Variants in CYP4F12 observed in about 807,000 individuals in gnomAD.
CYP4F12 encodes the protein cytochrome P450 4F12.
CYP4F12 carries 60 observed loss-of-function variants against 56.5 expected under a neutral mutation model. The observed-to-expected ratio is 1.06, with a 90% CI of 0.86 to 1.32. The LOEUF is 1.32. CYP4F12 is among the 40% of genes most tolerant of loss of function. The pLI is 0.00. For missense variants in CYP4F12, 711 were observed against 683.5 expected (o/e 1.04, Z -0.45); for synonymous variants, 263 against 264.9 (o/e 0.99, Z 0.07).
chr19:15,681,094 C>T (rs540777203), intron 5 of CYP4F12: 13 of 166,964 alleles, frequency 7.8e-5, no homozygotes, highest in Non-Finnish European at 1.3e-4. Context: ...AGAGACTGGG[C>T]TCCGAGAAAC....
chr19:15,676,398 C>T (rs2006929629), intron 2 of CYP4F12, among the ~76,000 whole-genome samples: 1 of 63,156 alleles, frequency 1.6e-5, no homozygotes, highest in Non-Finnish European at 3.5e-5. Flanking sequence ...TCTCCTCACT[C>T]ACTCATTCCT....
intron 9 of CYP4F12, among the ~76,000 whole-genome samples, chr19:15,693,304 C>T (rs1057470311): frequency 6.6e-6 from 1 of 152,178 alleles, no homozygotes; most frequent in African/African-American, 2.4e-5. Context: ...TAAATAGCCA[C>T]TGCAAAAGAA....
At chr19:15,676,529 CTGCCCACTCACTCATTCATA>C in intron 2 of CYP4F12, among the ~76,000 whole-genome samples, 1 of 24,066 alleles carries the variant, frequency 4.2e-5, no homozygotes, top group Non-Finnish European at 8.0e-5. Context: ...ACTCATTCCT[CTGCCCACTCACTCATTCATA>C]TCCTCACTCA....
chr19:15,685,284 A>G, intron 9 of CYP4F12, 87 bp downstream of exon 9: 1 of 1,541,730 alleles, frequency 6.5e-7, no homozygotes, highest in South Asian at 1.2e-5. Context: ...TGTTTTGTGG[A>G]TTCTTCCACT....
At chr19:15,692,922 A>AT (rs386388618) in intron 9 of CYP4F12, among the ~76,000 whole-genome samples, 2 of 151,890 alleles carry the variant, frequency 1.3e-5, no homozygotes, top group Non-Finnish European at 2.9e-5. Context: ...AAAAATAAAA[A>AT]AAAAAATTAG....
chr19:15,685,138 G>A lies in CYP4F12; in HGVS notation c.1056G>A (p.Glu352=). ...TTGCGAGGCACCCAGAATACCAGGA[G>A]CGCTGCCGACAGGAGGTGCAAGAGC... is the stretch of plus-strand genomic sequence containing the variant. The part of the protein sequence containing the change: ...YNLARHPEYQ[E]RCRQEVQELL... Residue 352 remains glutamate, a synonymous_variant, in exon 9 of 13, where the codon GAG becomes GAA. Transcript: ENST00000550308. 1.9e-6 allele frequency: 3 copies of A among 1,614,222 alleles called. No homozygotes were observed. The highest frequency in any genetic ancestry group is 2.5e-6 in the Non-Finnish European group (3 of 1,180,026).
Position 15,673,599 on chromosome 19 carries a change from C to A in CYP4F12, c.70C>A (p.Leu24Met). Residue 24 changes from leucine (L) to methionine (M), a missense_variant, in exon 2 of 13, where the codon CTG (leucine) becomes ATG (methionine). Leu to Met is a conservative substitution (Grantham distance 15). Coordinates refer to ENST00000550308, the MANE Select transcript of CYP4F12 (RefSeq NM_023944.4). ...VATSPWLLLL[L>M]VVGSWLLARI... ...AACGTCCCCATGGCTACTCCTGCTGCTGGTTGTGGGCTCCTGGCTACTCGC... is the reference window on the plus strand; with the variant it reads ...AACGTCCCCATGGCTACTCCTGCTGATGGTTGTGGGCTCCTGGCTACTCGC... 5 of 1,614,148 alleles carry A rather than the reference C, an allele frequency of 3.1e-6. No homozygotes were observed. The highest frequency in any genetic ancestry group is 4.2e-6 in the Non-Finnish European group (5 of 1,179,994).
intron 9 of CYP4F12, 39 bp downstream of exon 9, chr19:15,685,236 A>G (rs2007544131): frequency 6.2e-7 from 1 of 1,603,908 alleles, no homozygotes; most frequent in Non-Finnish European, 8.5e-7. Flanking sequence ...TGAGCCCATC[A>G]TTGGTTCTGC....
intron 12 of CYP4F12, among the ~76,000 whole-genome samples, 185 bp downstream of exon 12, chr19:15,696,697 C>A (rs1036528081): frequency 2.0e-5 from 3 of 152,182 alleles, no homozygotes; most frequent in Non-Finnish European, 2.9e-5. Context: ...TCAAAATCCC[C>A]TTCTCCATCT....
intron 7 of CYP4F12, chr19:15,684,279 A>G (rs1284727113): frequency 6.4e-6 from 1 of 155,730 alleles, no homozygotes; most frequent in Non-Finnish European, 1.4e-5. Flanking sequence ...TCTTTATTAC[A>G]GGGTGAAAGT....
chr19:15,696,631 T>C, intron 12 of CYP4F12, 119 bp downstream of exon 12: 1 of 1,281,868 alleles, frequency 7.8e-7, no homozygotes, highest in South Asian at 1.4e-5. Context: ...TCACAGTTTA[T>C]GGGAAAACGT....
intron 5 of CYP4F12, chr19:15,680,723 T>C: frequency 1.5e-6 from 1 of 651,120 alleles, no homozygotes; most frequent in South Asian, 1.8e-5. Flanking sequence ...TCTCAGAAGG[T>C]GTCAGTTTCT....
chr19:15,696,790 TTCTCTCTC>T lies in CYP4F12; in HGVS notation c.1398-111_1398-104del. The T allele has an allele frequency of 3.0e-6, 4 of 1,312,078 alleles. No homozygotes were observed. The African/African-American group carries it at 5.9e-5, about 19-fold the overall frequency. The allele number at this position is 1,312,078 out of a possible 1,614,324, so 81.3% of individuals were successfully genotyped here. ...TGGGAGTCCCAGGCACGCTTAGTCT[TTCTCTCTC>T]TCTCTCAGGCTGAGCTGGGTGCAGT... On this transcript the variant is annotated intron_variant, in intron 12 of 12. Transcript: ENST00000550308.
intron 9 of CYP4F12, 82 bp downstream of exon 9, chr19:15,685,279 T>C: frequency 8.4e-6 from 13 of 1,548,474 alleles, no homozygotes; most frequent in African/African-American, 1.4e-5. Flanking sequence ...GGAGTTGTTT[T>C]GTGGATTCTT....
rs114945576 is a variant in CYP4F12 at position 15,683,613 on chromosome 19, C to T, written c.768C>T (p.Phe256=). The T allele has an allele frequency of 2.9e-3, 4,645 of 1,613,002 alleles. 2 individuals are homozygous for T. In the African/African-American group the frequency reaches 0.055, roughly 19 times the overall value. The part of the protein sequence containing the change: ...LYYLSHDGRR[F]HRACRLVHDF... The stretch of plus-strand genomic sequence containing the variant: ...ACCTCTCCCATGACGGGCGGCGCTT[C>T]CACAGGGCCTGCCGCCTGGTGCATG... Residue 256 remains phenylalanine, a synonymous_variant, in exon 7 of 13, where the codon TTC becomes TTT. Coordinates refer to ENST00000550308, the MANE Select transcript of CYP4F12 (RefSeq NM_023944.4).
intron 9 of CYP4F12, among the ~76,000 whole-genome samples, chr19:15,687,677 T>A (rs663545): frequency 0.29 from 44,203 of 151,950 alleles, 7,133 homozygotes; most frequent in African/African-American, 0.42. Context: ...GACTGCTTCC[T>A]AGGTACACAT....
At position 15,684,857 on chromosome 19, in the gene CYP4F12, A is replaced by T; in HGVS notation, c.960A>T (p.Ala320=). 1 of 1,608,876 alleles carries T rather than the reference A, an allele frequency of 6.2e-7. No individual in the cohort carries two copies. The highest frequency in any genetic ancestry group is 8.5e-7 in the Non-Finnish European group (1 of 1,177,428). The change falls in exon 8 of 13, where the codon GCA becomes GCT. Residue 320 remains alanine (A), a synonymous_variant. Transcript: ENST00000550308. ...GKALSDEDIR[A]EADTFMFGGH... ...CATTGTCAGATGAGGATATAAGAGC[A>T]GAGGCTGACACCTTCATGTTTGGAG... is the stretch of plus-strand genomic sequence containing the variant.
intron 9 of CYP4F12, among the ~76,000 whole-genome samples, chr19:15,687,232 G>A (rs888839537): frequency 2.6e-5 from 4 of 150,964 alleles, no homozygotes; most frequent in African/African-American, 9.8e-5. Context: ...AGCTGAGATG[G>A]CACCATTGCA....
intron 3 of CYP4F12, among the ~76,000 whole-genome samples, chr19:15,679,460 C>T (rs748287436): frequency 1.0e-5 from 1 of 99,966 alleles, no homozygotes; most frequent in African/African-American, 3.5e-5. Context: ...ACCTTACCCC[C>T]AGGGGTCCCA....
Sources: allele counts gnomAD v4.1 joint callset (sites outside exome capture counted in the v4.1 genomes callset), GRCh38; gene constraint gnomAD v4.1.1; transcripts MANE v1.5; gene names NCBI Gene and HGNC (gene_info 2026-07-23, HGNC 2026-07-21).